CLIC3: variants seen among roughly 807,000 people sequenced by gnomAD.
CLIC3 encodes the protein CLIC family member 3, also known as chloride intracellular channel protein 3.
Under a neutral mutation model 19.9 loss-of-function variants are expected in CLIC3, and 29 were observed. The observed-to-expected ratio is 1.46, with a 90% CI of 1.09 to 1.99. The LOEUF is 1.99. Among genes scored for constraint, CLIC3 ranks in the 30% most tolerant of loss-of-function variants. CLIC3 has a pLI of 0.00. For synonymous variants in CLIC3, 143 were observed against 156.4 expected (o/e 0.91, Z 0.64); for missense variants, 365 against 342.6 (o/e 1.07, Z -0.52).
intron 1 of CLIC3, 109 bp from the exon 2 acceptor site, chr9:136,995,866 G>A (rs1200620611): frequency 5.5e-6 from 4 of 733,570 alleles, no homozygotes; most frequent in Admixed American, 2.8e-5. Flanking sequence ...TTGGAGGGAC[G>A]CCAGGGCTCC....
At position 136,995,015 on chromosome 9, in the gene CLIC3, A is replaced by T; in HGVS notation, c.467T>A (p.Leu156Gln). 6.6e-7 allele frequency: 1 copy of T among 1,505,792 alleles called. No individual in the cohort carries two copies. The highest frequency in any genetic ancestry group is 8.8e-7 in the Non-Finnish European group (1 of 1,132,708). 93.3% of individuals were successfully genotyped at this position (1,505,792 alleles called of 1,614,324 possible). Residue 156 changes from leucine to glutamine, a missense_variant, in exon 5 of 6, where the codon CTG (leucine) becomes CAG (glutamine). Physicochemically the swap from Leu to Gln is moderately radical, Grantham distance 113 (BLOSUM62 -2). Coordinates refer to ENST00000494426, the MANE Select transcript of CLIC3 (RefSeq NM_004669.3). ...LEHELAGEPQ[L>Q]RESRRRFLDG... is the part of the protein sequence containing the mutation. ...CAGGAAGCGGCGGCGGGACTCGCGC[A>T]GCTGCGGCTCCCCCGCCAGCTCGTG...
intron 5 of CLIC3, 31 bp downstream of exon 5, chr9:136,994,899 A>AGG: frequency 8.0e-7 from 1 of 1,254,348 alleles, no homozygotes; most frequent in Non-Finnish European, 1.1e-6. Context: ...CGCCGCGGTC[A>AGG]CCCTCCCGCC....
At chr9:136,996,226 G>A (rs1469407219) in intron 1 of CLIC3, among the ~76,000 whole-genome samples, 2 of 152,130 alleles carry the variant, frequency 1.3e-5, no homozygotes, top group Non-Finnish European at 1.5e-5. Flanking sequence ...TCCACTGTTG[G>A]CAGCCTGCTT....
At position 136,995,881 on chromosome 9, in the gene CLIC3, TGGTC is replaced by T. The variant is rs903751611; in HGVS notation, c.34-128_34-125del. 9.0e-6 allele frequency: 6 copies of T among 668,280 alleles called. No homozygotes were observed. In the African/African-American group the frequency reaches 1.1e-4, roughly 12 times the overall value. 41.4% of individuals were successfully genotyped at this position (668,280 alleles called of 1,614,324 possible). A position where few individuals can be genotyped will look rare whatever the true frequency, so the allele number is the denominator to read the frequency against. ...TTGGAGGGACGCCAGGGCTCCAGCT[TGGTC>T]GGCGCGACTTCCAAGTGCCCAGTGA... On this transcript the variant is annotated intron_variant, in intron 1 of 5. Coordinates refer to ENST00000494426, the MANE Select transcript of CLIC3 (RefSeq NM_004669.3).
chr9:136,995,302 G>A lies in CLIC3; in HGVS notation c.270-10C>T, dbSNP rs1346674979. 3 of 1,611,086 alleles carry A rather than the reference G, an allele frequency of 1.9e-6. No individual in the cohort carries two copies. The highest frequency in any genetic ancestry group is 8.5e-7 in the Non-Finnish European group (1 of 1,178,570). ...CGCCAGGCTGGGGAAGCTGCGGGAT[G>A]AGGGGGTGGGACTCCATTAGACTGG... On this transcript the variant is annotated splice_polypyrimidine_tract_variant and intron_variant, in intron 3 of 5. Coordinates refer to ENST00000494426, the MANE Select transcript of CLIC3 (RefSeq NM_004669.3).
In CLIC3 at chr9:136,994,636, C is replaced by G. The variant is rs750701022; in HGVS notation, c.*45G>C. The G allele has an allele frequency of 6.3e-7, 1 of 1,580,526 alleles. No individual in the cohort carries two copies. Among genetic ancestry groups the G allele is most frequent in the South Asian group, 1.1e-5 (1 of 87,404 alleles). On this transcript the variant is annotated 3_prime_UTR_variant, in exon 6 of 6. Transcript: ENST00000494426. ...CTTCAGATGTCAGGACACCCTCACT[C>G]CCGACAAAGATGCCTTTATTGGGCG...
In CLIC3 at chr9:136,995,190, G is replaced by C; in HGVS notation, c.372C>G (p.Asp124Glu). 2 of 1,612,164 alleles carry C rather than the reference G, an allele frequency of 1.2e-6. No homozygotes were observed. Among genetic ancestry groups the C allele is most frequent in the Non-Finnish European group, 1.7e-6 (2 of 1,179,624 alleles). ...AFIKNPVPAQDEALYQQLLRA... is the reference protein window; with the variant it reads ...AFIKNPVPAQEEALYQQLLRA... ...GACCCCCTGACCCCGCTTCACCTTC[G>C]TCCTGCGCGGGCACCGGGTTCTTGA... is the stretch of plus-strand genomic sequence containing the variant. The change falls in exon 4 of 6, where the codon GAC becomes GAG. Residue 124 changes from aspartate to glutamate, a missense_variant. Physicochemically the swap from Asp to Glu is conservative, Grantham distance 45. Coordinates refer to ENST00000494426, the MANE Select transcript of CLIC3 (RefSeq NM_004669.3).
At chr9:136,995,870 G>C (rs974948803) in intron 1 of CLIC3, 113 bp from the exon 2 acceptor site, 2 of 719,484 alleles carry the variant, frequency 2.8e-6, no homozygotes, top group Non-Finnish European at 4.6e-6. Flanking sequence ...AGGGACGCCA[G>C]GGCTCCAGCT....
rs1408865489 is a variant in CLIC3 at position 136,995,077 on chromosome 9, G to A, written c.405C>T (p.Leu135=). The change falls in exon 5 of 6, where the codon CTC becomes CTT. Residue 135 remains leucine (L), a synonymous_variant. Coordinates refer to ENST00000494426, the MANE Select transcript of CLIC3 (RefSeq NM_004669.3). ...CGCGCAGGTAGCTGTCCAGCCTGGC[G>A]AGGGCGCGCAGCAGCTGCTGGTACA... ...EALYQQLLRA[L]ARLDSYLRAP... 2.6e-6 allele frequency: 4 copies of A among 1,520,054 alleles called. No homozygotes were observed. The South Asian group carries it at 3.7e-5, about 14-fold the overall frequency. The allele number at this position is 1,520,054 out of a possible 1,614,324, so 94.2% of individuals were successfully genotyped here.
Sources: allele counts gnomAD v4.1 joint callset (sites outside exome capture counted in the v4.1 genomes callset), GRCh38; gene constraint gnomAD v4.1.1; transcripts MANE v1.5; gene names NCBI Gene and HGNC (gene_info 2026-07-23, HGNC 2026-07-21).